The following DMRT1 variants were observed in gnomAD, a reference collection of about 807,000 sequenced individuals.
DMRT1 encodes the protein doublesex- and mab-3-related transcription factor 1.
DMRT1 carries 7 observed loss-of-function variants against 32.3 expected under a neutral mutation model. That is an observed-to-expected ratio of 0.22 (90% CI 0.12 to 0.41). The LOEUF (loss-of-function observed/expected upper bound fraction) is 0.41. DMRT1 is among the 10% of genes least tolerant of loss of function. The pLI, the probability that DMRT1 is intolerant of heterozygous loss-of-function variation, is 1.00. For missense variants in DMRT1, 625 were observed against 500.5 expected (o/e 1.25, Z -2.37); for synonymous variants, 278 against 206.1 (o/e 1.35, Z -2.99).
intron 4 of DMRT1, among the ~76,000 whole-genome samples, chr9:918,657 C>A (rs1570420): frequency 0.75 from 113,831 of 151,970 alleles, 43,235 homozygotes; most frequent in South Asian, 0.91. Flanking sequence ...CCAGGCTTAA[C>A]TTCCTGGTAC....
At chr9:879,439 G>T (rs78192332) in intron 2 of DMRT1, among the ~76,000 whole-genome samples, 1 of 151,910 alleles carries the variant, frequency 6.6e-6, no homozygotes, top group Non-Finnish European at 1.5e-5. Context: ...TCTCTTTTAC[G>T]TTTGGCTTAA....
intron 2 of DMRT1, among the ~76,000 whole-genome samples, chr9:854,153 G>T (rs992294027): frequency 7.3e-5 from 11 of 150,196 alleles, no homozygotes; most frequent in African/African-American, 2.5e-4. Context: ...GGTTCGTTCT[G>T]TTGCCCAGGT....
rs888305644 is a variant in DMRT1, at chr9:925,181, G to A, written c.967+8274G>A. On this transcript the variant is annotated intron_variant, in intron 4 of 4. Coordinates refer to ENST00000382276, the MANE Select transcript of DMRT1 (RefSeq NM_021951.3). ...CGTACTCCTCCAGGTGCCTGGCATCGTGCAGTGTTCTCAGATGGCTCCCGG... is the reference window on the plus strand; with the variant it reads ...CGTACTCCTCCAGGTGCCTGGCATCATGCAGTGTTCTCAGATGGCTCCCGG... Among the ~76,000 whole-genome samples, 5 of 152,102 alleles carry A rather than the reference G, an allele frequency of 3.3e-5. No individual in the cohort carries two copies. The East Asian group carries it at 5.8e-4, about 18-fold the overall frequency.
intron 4 of DMRT1, among the ~76,000 whole-genome samples, chr9:945,661 T>A (rs1250672487): frequency 6.6e-6 from 1 of 152,196 alleles, no homozygotes; most frequent in Non-Finnish European, 1.5e-5. Flanking sequence ...CTTTATTTTT[T>A]TTTCTTAAAT....
chr9:864,843 A>G (rs945979545), intron 2 of DMRT1, among the ~76,000 whole-genome samples: 1 of 146,520 alleles, frequency 6.8e-6, no homozygotes, highest in Non-Finnish European at 1.5e-5. Flanking sequence ...AATTTTAGCT[A>G]TGAGTAGGTC....
At chr9:862,097 G>C (rs1484006600) in intron 2 of DMRT1, among the ~76,000 whole-genome samples, 4 of 129,140 alleles carry the variant, frequency 3.1e-5, no homozygotes, top group Non-Finnish European at 7.4e-5. Flanking sequence ...TCCTAGACGG[G>C]GTGGCGGCTG....
intron 2 of DMRT1, among the ~76,000 whole-genome samples, chr9:872,413 ATCACCACTATCAAAT>A (rs1156430850): frequency 2.0e-5 from 3 of 152,182 alleles, no homozygotes; most frequent in Non-Finnish European, 4.4e-5. Context: ...TTGGGTAAAC[ATCACCACTATCAAAT>A]TTTAAAACAT....
intron 2 of DMRT1, among the ~76,000 whole-genome samples, chr9:875,944 T>G (rs894191982): frequency 3.9e-5 from 6 of 152,064 alleles, no homozygotes; most frequent in African/African-American, 1.2e-4. Flanking sequence ...CAAAAAGAGG[T>G]GCCACATGTG....
intron 1 of DMRT1, 70 bp downstream of exon 1, chr9:842,262 T>G (rs1223147208): frequency 2.1e-6 from 3 of 1,456,412 alleles, no homozygotes; most frequent in Non-Finnish European, 1.8e-6. Flanking sequence ...TTAGATGGAG[T>G]CTCGCTCGGT....
chr9:875,453 G>A (rs564375133), intron 2 of DMRT1, among the ~76,000 whole-genome samples: 1 of 152,114 alleles, frequency 6.6e-6, no homozygotes, highest in East Asian at 1.9e-4. Context: ...TTTGATTACT[G>A]TCACATAGTT....
chr9:845,450 C>A (rs983708163), intron 1 of DMRT1, among the ~76,000 whole-genome samples: 4 of 152,166 alleles, frequency 2.6e-5, no homozygotes, highest in Non-Finnish European at 5.9e-5. Context: ...TCAGGTGATA[C>A]ACCTGCCTCA....
chr9:915,512 G>T (rs190873142), intron 3 of DMRT1, among the ~76,000 whole-genome samples: 45 of 152,252 alleles, frequency 3.0e-4, no homozygotes, highest in Admixed American at 1.3e-3. Flanking sequence ...CACTGGAGGG[G>T]CGCTTGTGCC....
intron 3 of DMRT1, among the ~76,000 whole-genome samples, chr9:908,187 T>G (rs1477376512): frequency 6.6e-6 from 1 of 152,166 alleles, no homozygotes; most frequent in Non-Finnish European, 1.5e-5. Flanking sequence ...GCATGGTGGC[T>G]CATGCCTGTA....
chr9:949,739 T>C (rs1819368940), intron 4 of DMRT1, among the ~76,000 whole-genome samples: 1 of 152,208 alleles, frequency 6.6e-6, no homozygotes, highest in Non-Finnish European at 1.5e-5. Flanking sequence ...TCTCAGGCCC[T>C]GTAGCCACCA....
intron 4 of DMRT1, among the ~76,000 whole-genome samples, chr9:924,014 A>C (rs11794097): frequency 0.12 from 17,906 of 151,622 alleles, 1,450 homozygotes; most frequent in African/African-American, 0.23. Context: ...CTATCCCAGG[A>C]GACGAGGTCT....
At chr9:890,002 T>G (rs1161421282) in intron 2 of DMRT1, among the ~76,000 whole-genome samples, 1 of 152,188 alleles carries the variant, frequency 6.6e-6, no homozygotes, top group Non-Finnish European at 1.5e-5. Flanking sequence ...TCATAAGGCT[T>G]TTGTAATCAG....
intron 2 of DMRT1, among the ~76,000 whole-genome samples, chr9:871,282 C>T (rs1052923076): frequency 1.3e-5 from 2 of 151,732 alleles, no homozygotes; most frequent in Non-Finnish European, 2.9e-5. Flanking sequence ...CCACCTTGGC[C>T]TCCCAAAGTG....
intron 4 of DMRT1, among the ~76,000 whole-genome samples, chr9:964,311 G>A (rs1046934795): frequency 6.6e-6 from 1 of 151,898 alleles, no homozygotes; most frequent in Admixed American, 6.6e-5. Context: ...TCATTGGTAA[G>A]AATGATCCTG....
chr9:916,135 G>T (rs761999328), intron 3 of DMRT1, among the ~76,000 whole-genome samples: 2 of 152,186 alleles, frequency 1.3e-5, no homozygotes, highest in Non-Finnish European at 2.9e-5. Flanking sequence ...CTGATAACTT[G>T]CGCCCGTTCA....
Sources: allele counts gnomAD v4.1 joint callset (sites outside exome capture counted in the v4.1 genomes callset), GRCh38; gene constraint gnomAD v4.1.1; transcripts MANE v1.5; gene names NCBI Gene and HGNC (gene_info 2026-07-23, HGNC 2026-07-21).